Variants in VAMP1 observed in about 807,000 individuals in gnomAD.
VAMP1 encodes the protein vesicle associated membrane protein 1, also known as vesicle-associated membrane protein 1.
Under a neutral mutation model 19.1 loss-of-function variants are expected in VAMP1, and 16 were observed. The observed-to-expected ratio is 0.84, with a 90% CI of 0.57 to 1.27. The LOEUF is 1.27. Among genes scored for constraint, VAMP1 ranks in the 50% most tolerant of loss-of-function variants. The pLI is 0.00. For synonymous variants in VAMP1, 37 were observed against 50.2 expected, an observed-to-expected ratio of 0.74 and a Z score of 1.11; for missense variants, 109 against 145.4, an observed-to-expected ratio of 0.75 and a Z score of 1.29.
intron 3 of VAMP1, 21 bp downstream of exon 3, chr12:6,465,821 G>A (rs761087471): frequency 1.2e-6 from 2 of 1,612,944 alleles, no homozygotes; most frequent in East Asian, 2.2e-5. Context: ...AAAAGATGGA[G>A]GAGGGGACAA....
At chr12:6,467,924 G>T (rs954694929) in intron 1 of VAMP1, among the ~76,000 whole-genome samples, 1 of 152,152 alleles carries the variant, frequency 6.6e-6, no homozygotes, top group Non-Finnish European at 1.5e-5. Flanking sequence ...TGCACAGAAG[G>T]CAAGAACTGA....
intron 1 of VAMP1, among the ~76,000 whole-genome samples, chr12:6,470,067 G>A (rs1327487766): frequency 6.6e-6 from 1 of 152,102 alleles, no homozygotes; most frequent in Non-Finnish European, 1.5e-5. Flanking sequence ...TTGGGTGAGG[G>A]GTAAACAAAT....
Position 6,463,616 on chromosome 12 carries a change from T to C in VAMP1, c.*854A>G. 1 of 1,078,784 alleles carries C rather than the reference T, an allele frequency of 9.3e-7. No individual in the cohort carries two copies. 66.8% of individuals were successfully genotyped at this position (1,078,784 alleles called of 1,614,324 possible). The stretch of plus-strand genomic sequence containing the variant: ...GTTTCTCTATAACTAACAGGCAATC[T>C]CTCTCTTTATGCCAACAATTAACTG... On this transcript the variant is annotated 3_prime_UTR_variant, in exon 5 of 5. Transcript: ENST00000396308. The surrounding 1 kb of genome is among the most constrained non-coding windows in gnomAD (Gnocchi z 4.0).
rs767625629 is a variant in VAMP1, at chr12:6,462,976, G to A, written c.*1494C>T. ...GCATGGCCTCAGCCTCTTCCTGTTC[G>A]TGGACCGAGGGAAGAAGGAATAAAG... is the stretch of plus-strand genomic sequence containing the variant. On this transcript the variant is annotated 3_prime_UTR_variant, in exon 5 of 5. Transcript: ENST00000396308. 1.5e-5 allele frequency: 23 copies of A among 1,551,620 alleles called. No homozygotes were observed. The highest frequency in any genetic ancestry group is 5.9e-5 in the South Asian group (5 of 84,102).
intron 4 of VAMP1, 102 bp from the exon 5 acceptor site, chr12:6,464,588 T>C: frequency 1.4e-6 from 2 of 1,461,036 alleles, no homozygotes; most frequent in Non-Finnish European, 1.8e-6. Context: ...GGTCTCTCCA[T>C]TGTTAAGTGC....
intron 4 of VAMP1, 194 bp downstream of exon 4, chr12:6,464,696 G>C (rs1425881290): frequency 1.3e-6 from 2 of 1,500,212 alleles, no homozygotes; most frequent in Non-Finnish European, 1.8e-6. Context: ...ATGCGTTGCA[G>C]GGGGAAGGCT....
At chr12:6,469,542 T>C (rs1225390932) in intron 1 of VAMP1, among the ~76,000 whole-genome samples, 3 of 152,340 alleles carry the variant, frequency 2.0e-5, no homozygotes, top group Non-Finnish European at 4.4e-5. Context: ...CCAATTTCAC[T>C]TACTACTTGT....
rs943565197 is a variant in VAMP1, at chr12:6,470,632, C to T, written c.-101G>A. 7 of 1,514,314 alleles carry T rather than the reference C, an allele frequency of 4.6e-6. No homozygotes were observed. The highest frequency in any genetic ancestry group is 4.1e-5 in the African/African-American group (3 of 72,736). 93.8% of individuals were successfully genotyped at this position (1,514,314 alleles called of 1,614,324 possible). A position where few individuals can be genotyped will look rare whatever the true frequency, so the allele number is the denominator to read the frequency against. On this transcript the variant is annotated 5_prime_UTR_variant, in exon 1 of 5. Transcript: ENST00000396308. ...TGAAGTGGACGGAACTGCCAAGCTC[C>T]GCCTCGCGCCGACTACCCCGCGGTC...
chr12:6,466,950 C>T (rs541114490), intron 1 of VAMP1: 1 of 154,056 alleles, frequency 6.5e-6, no homozygotes, highest in Admixed American at 6.5e-5. Flanking sequence ...CTTTCCGGTG[C>T]TATTCTGGTG....
At chr12:6,464,866 A>C (rs1418099689) in intron 4 of VAMP1, 24 bp downstream of exon 4, 2 of 1,613,958 alleles carry the variant, frequency 1.2e-6, no homozygotes, top group East Asian at 4.5e-5. Context: ...TCTTCACCCC[A>C]CCAGCAACTT....
Position 6,462,763 on chromosome 12 carries a change from A to T in VAMP1, c.*1707T>A. The T allele has an allele frequency of 1.3e-6, 2 of 1,489,812 alleles. No homozygotes were observed. The highest frequency in any genetic ancestry group is 1.8e-6 in the Non-Finnish European group (2 of 1,099,530). The allele number at this position is 1,489,812 out of a possible 1,614,324, so 92.3% of individuals were successfully genotyped here. A position where few individuals can be genotyped will look rare whatever the true frequency, so the allele number is the denominator to read the frequency against. ...TGACCCCCTGCATTAGGCAAGGAGG[A>T]GCCCAGAGGAGAGTGGAGACCTTCG... On this transcript the variant is annotated 3_prime_UTR_variant, in exon 5 of 5. Transcript: ENST00000396308.
Position 6,464,909 on chromosome 12 carries a change from G to A in VAMP1, c.321C>T (p.Ile107=), listed in dbSNP as rs764666515. 1 of 1,613,978 alleles carries A rather than the reference G, an allele frequency of 6.2e-7. No individual in the cohort carries two copies. Among genetic ancestry groups the A allele is most frequent in the Non-Finnish European group, 8.5e-7 (1 of 1,179,998 alleles). Residue 107 remains isoleucine (I), a synonymous_variant, in exon 4 of 5, where the codon ATC becomes ATT. Coordinates refer to ENST00000396308, the MANE Select transcript of VAMP1 (RefSeq NM_014231.5). ...ACTTACTTACAATAACTACCACGAT[G>A]ATGGCACAGATGGCTCCCAGCATGA... is the stretch of plus-strand genomic sequence containing the variant. The part of the protein sequence containing the change: ...MMIMLGAICA[I]IVVVIVIYFF...
intron 1 of VAMP1, chr12:6,466,640 C>T (rs1019880551): frequency 3.8e-6 from 1 of 259,892 alleles, no homozygotes; most frequent in Non-Finnish European, 7.4e-6. Flanking sequence ...AGTAGGGAGA[C>T]AAACCATAGA....
In VAMP1 at chr12:6,464,056, T is replaced by C. The variant is rs1949943267; in HGVS notation, c.*414A>G. The C allele has an allele frequency of 6.2e-6, 8 of 1,298,350 alleles. No homozygotes were observed. Among genetic ancestry groups the C allele is most frequent in the Non-Finnish European group, 7.0e-6 (7 of 994,900 alleles). 80.4% of individuals were successfully genotyped at this position (1,298,350 alleles called of 1,614,324 possible). A position where few individuals can be genotyped will look rare whatever the true frequency, so the allele number is the denominator to read the frequency against. ...AGCTGCCATCTTCCCAGCCCCTCCC[T>C]AGCTCCTACCAGTGGCCAGGTTTTC... On this transcript the variant is annotated 3_prime_UTR_variant, in exon 5 of 5. Coordinates refer to ENST00000396308, the MANE Select transcript of VAMP1 (RefSeq NM_014231.5).
At chr12:6,465,464 A>G (rs1949998041) in intron 3 of VAMP1, 4 of 111,440 alleles carry the variant, frequency 3.6e-5, no homozygotes, top group African/African-American at 1.3e-4. Flanking sequence ...ATGTGTATAT[A>G]TAGTGTGTGT....
intron 4 of VAMP1, 114 bp downstream of exon 4, chr12:6,464,776 G>C: frequency 6.4e-7 from 1 of 1,555,384 alleles, no homozygotes; most frequent in Non-Finnish European, 8.7e-7. Flanking sequence ...CCATAGCAGC[G>C]GTCTCCATAC....
Position 6,462,932 on chromosome 12 carries a change from G to A in VAMP1, c.*1538C>T, listed in dbSNP as rs898612318. ...ATGAAATGCTGCTGCATGGAAAGTG[G>A]GCATCCAGACCCTGCCCAGCATGGC... On this transcript the variant is annotated 3_prime_UTR_variant, in exon 5 of 5. Coordinates refer to ENST00000396308, the MANE Select transcript of VAMP1 (RefSeq NM_014231.5). The A allele has an allele frequency of 1.9e-6, 3 of 1,558,990 alleles. No homozygotes were observed. Among genetic ancestry groups the A allele is most frequent in the South Asian group, 2.4e-5 (2 of 84,534 alleles).
At chr12:6,468,841 A>G (rs1455801018) in intron 1 of VAMP1, among the ~76,000 whole-genome samples, 2 of 152,160 alleles carry the variant, frequency 1.3e-5, no homozygotes, top group African/African-American at 4.8e-5. Flanking sequence ...CAGGGGGGAG[A>G]TCTCTCAAAT....
At chr12:6,466,372 A>G in intron 1 of VAMP1, 21 bp from the exon 2 acceptor site, 2 of 1,596,152 alleles carry the variant, frequency 1.3e-6, no homozygotes, top group Non-Finnish European at 1.7e-6. Context: ...ACATGTGCAG[A>G]GTACACAAAG....
Sources: gnomAD v4.1 joint callset for allele counts (sites outside exome capture counted in the v4.1 genomes callset) on GRCh38, gnomAD v4.1.1 for gene constraint, Gnocchi (gnomAD v3.1) non-coding constraint, MANE v1.5 for transcripts, NCBI Gene and HGNC (gene_info 2026-07-23, HGNC 2026-07-21) for gene names.